Variants in ARID5B observed in about 807,000 individuals in gnomAD.
ARID5B encodes the protein AT-rich interaction domain 5B, also known as AT-rich interactive domain-containing protein 5B.
ARID5B carries 13 observed loss-of-function variants against 97.2 expected under a neutral mutation model. That is an observed-to-expected ratio of 0.13 (90% CI 0.09 to 0.21). The LOEUF (loss-of-function observed/expected upper bound fraction) is 0.21. Ranked by LOEUF, ARID5B falls within the 10% of genes least tolerant of loss-of-function variation. ARID5B has a pLI of 1.00. For missense variants in ARID5B, 1,210 were observed against 1,465.3 expected, an observed-to-expected ratio of 0.83 and a Z score of 2.84; for synonymous variants, 556 against 570.3, an observed-to-expected ratio of 0.97 and a Z score of 0.36.
At chr10:62,021,849 G>A (rs543563163) in intron 4 of ARID5B, among the ~76,000 whole-genome samples, 2 of 152,342 alleles carry the variant, frequency 1.3e-5, no homozygotes, top group East Asian at 3.9e-4. Context: ...TTATAGCCGG[G>A]TCTTTAAGAA....
chr10:61,919,419 T>C (rs1253614367), intron 2 of ARID5B, among the ~76,000 whole-genome samples: 4 of 152,020 alleles, frequency 2.6e-5, no homozygotes, highest in African/African-American at 9.7e-5. Context: ...CCAATCCAAC[T>C]CTGAAAGATG....
chr10:62,000,373 T>C lies in ARID5B; in HGVS notation c.733+52T>C. 6.7e-7 allele frequency: 1 copy of C among 1,484,326 alleles called. No individual in the cohort carries two copies. Among genetic ancestry groups the C allele is most frequent in the Non-Finnish European group, 9.1e-7 (1 of 1,094,162 alleles). 91.9% of individuals were successfully genotyped at this position (1,484,326 alleles called of 1,614,324 possible). ...TGATTCTTGTGCGTGTGTGCCTAGT[T>C]GTTTTCAGTTCTTCTGAAGAGCGGT... On this transcript the variant is annotated intron_variant, in intron 4 of 9. Coordinates refer to ENST00000279873, the MANE Select transcript of ARID5B (RefSeq NM_032199.3). The surrounding 1 kb of genome is among the most constrained non-coding windows in gnomAD (Gnocchi z 4.4).
chr10:62,082,409 A>C (rs1268145266), intron 8 of ARID5B, among the ~76,000 whole-genome samples: 1 of 152,118 alleles, frequency 6.6e-6, no homozygotes, highest in Non-Finnish European at 1.5e-5. Context: ...ACTTCCACCC[A>C]CCTAAAAGCC....
chr10:61,984,378 G>A (rs1311092922), intron 3 of ARID5B, among the ~76,000 whole-genome samples: 1 of 152,234 alleles, frequency 6.6e-6, no homozygotes, highest in African/African-American at 2.4e-5. Context: ...ACTGCATGAG[G>A]AAAGCATAGA....
rs534985793 is a variant in ARID5B at position 61,905,413 on chromosome 10, G to A, written c.276+3000G>A. The stretch of plus-strand genomic sequence containing the variant: ...ATCATTGTGCAAGATTAGAAATAGC[G>A]TCCCTGTGTGGTTTGCTGTGATTTG... On this transcript the variant is annotated intron_variant, in intron 2 of 9. Transcript: ENST00000279873. Among the ~76,000 whole-genome samples the A allele has an allele frequency of 7.3e-5, 11 of 150,036 alleles. No homozygotes were observed. In the East Asian group the frequency reaches 1.2e-3, roughly 16 times the overall value.
In ARID5B at chr10:61,961,374, C is replaced by T. The variant is rs1047748675; in HGVS notation, c.502+20966C>T. ...AGTGTATACCACAGTTAAGTCATTT[C>T]CTTTGAGGCTTTTCTCTTGGGCAAC... On this transcript the variant is annotated intron_variant, in intron 3 of 9. Coordinates refer to ENST00000279873, the MANE Select transcript of ARID5B (RefSeq NM_032199.3). Among the ~76,000 whole-genome samples, 69 of 152,268 alleles carry T rather than the reference C, an allele frequency of 4.5e-4. No individual in the cohort carries two copies. The Middle Eastern group carries it at 0.017, about 38-fold the overall frequency.
At chr10:62,015,761 C>G (rs1342648455) in intron 4 of ARID5B, among the ~76,000 whole-genome samples, 1 of 152,064 alleles carries the variant, frequency 6.6e-6, no homozygotes, top group Non-Finnish European at 1.5e-5. Flanking sequence ...GTAGCTGGGA[C>G]TACAGGTGCC....
At chr10:61,909,079 C>G (rs1045929940) in intron 2 of ARID5B, among the ~76,000 whole-genome samples, 1 of 152,168 alleles carries the variant, frequency 6.6e-6, no homozygotes, top group African/African-American at 2.4e-5. Flanking sequence ...ATTCTAGGCC[C>G]TGGGGATGCA....
rs1400727127 is a variant in ARID5B at position 61,960,171 on chromosome 10, AT to A, written c.502+19767del. 1.2e-4 allele frequency among the ~76,000 whole-genome samples: 18 copies of A among 152,114 alleles called. No individual in the cohort carries two copies. The East Asian group carries it at 3.5e-3, about 29-fold the overall frequency. Reference sequence around the variant, plus strand: ...CTTATTTCATATATTTTTCTTTTATATTTTCAAATTATAAATTTTGACAACA... The same window carrying A: ...CTTATTTCATATATTTTTCTTTTATATTTCAAATTATAAATTTTGACAACA... On this transcript the variant is annotated intron_variant, in intron 3 of 9. Coordinates refer to ENST00000279873, the MANE Select transcript of ARID5B (RefSeq NM_032199.3).
intron 2 of ARID5B, among the ~76,000 whole-genome samples, chr10:61,913,812 C>T (rs1378660273): frequency 2.6e-5 from 4 of 152,172 alleles, no homozygotes; most frequent in Admixed American, 2.0e-4. Flanking sequence ...AGTACAATGG[C>T]GCAATCTCAG....
chr10:61,906,176 G>A (rs1231459489), intron 2 of ARID5B, among the ~76,000 whole-genome samples: 1 of 152,038 alleles, frequency 6.6e-6, no homozygotes. Context: ...AAATAATTAT[G>A]ATTATAGTGA....
chr10:61,954,960 C>T (rs1363760075), intron 3 of ARID5B, among the ~76,000 whole-genome samples: 8 of 151,094 alleles, frequency 5.3e-5, no homozygotes, highest in Admixed American at 1.3e-4. Context: ...GAGCCAAGAT[C>T]GCGCCATTGC....
intron 3 of ARID5B, among the ~76,000 whole-genome samples, chr10:61,944,391 G>A (rs1384754360): frequency 6.6e-6 from 1 of 152,054 alleles, no homozygotes; most frequent in African/African-American, 2.4e-5. Context: ...TATTTGGTAT[G>A]GCAGTTGAAA....
chr10:62,036,203 C>T (rs1839562058), intron 4 of ARID5B, among the ~76,000 whole-genome samples: 1 of 152,098 alleles, frequency 6.6e-6, no homozygotes, highest in Non-Finnish European at 1.5e-5. Context: ...AGAGGAAGCC[C>T]AGGAACAAAG....
rs202030299 is a variant in ARID5B, at chr10:61,902,216, T to C, written c.79T>C (p.Phe27Leu). 1 of 1,613,822 alleles carries C rather than the reference T, an allele frequency of 6.2e-7. No homozygotes were observed. The highest frequency in any genetic ancestry group is 1.3e-5 in the African/African-American group (1 of 74,906). Reference protein sequence around the residue: ...GPYIFYKAFQFHLEGKPRILS... With the variant: ...GPYIFYKAFQLHLEGKPRILS... ...TTACATTTTCTACAAGGCTTTTCAA[T>C]TCCACCTTGAAGGCAAACCAAGAAT... The change falls in exon 2 of 10, where the codon TTC becomes CTC. Residue 27 changes from phenylalanine (F) to leucine (L), a missense_variant. Physicochemically the swap from Phe to Leu is conservative, Grantham distance 22. Transcript: ENST00000279873.
intron 5 of ARID5B, among the ~76,000 whole-genome samples, chr10:62,055,447 C>T (rs573722778): frequency 1.2e-4 from 18 of 152,134 alleles, no homozygotes; most frequent in African/African-American, 4.3e-4. Context: ...CCTGGCTGCC[C>T]AGGAAACACT....
At chr10:61,988,112 G>T (rs1377267696) in intron 3 of ARID5B, among the ~76,000 whole-genome samples, 1 of 152,034 alleles carries the variant, frequency 6.6e-6, no homozygotes, top group Admixed American at 6.6e-5. Flanking sequence ...AGCTTTCAAT[G>T]ATGTTCTTCC....
chr10:61,914,897 T>G (rs1308808201), intron 2 of ARID5B, among the ~76,000 whole-genome samples: 2 of 152,224 alleles, frequency 1.3e-5, no homozygotes, highest in Non-Finnish European at 2.9e-5. Flanking sequence ...GAGTCGGGAT[T>G]GAAACCCATG....
chr10:61,927,546 A>G (rs999654164), intron 2 of ARID5B, among the ~76,000 whole-genome samples: 2 of 152,216 alleles, frequency 1.3e-5, no homozygotes, highest in Non-Finnish European at 2.9e-5. Context: ...GCTCTTTGGG[A>G]AGTACAAGAG....
Sources: gnomAD v4.1 joint callset for allele counts (sites outside exome capture counted in the v4.1 genomes callset) on GRCh38, gnomAD v4.1.1 for gene constraint, Gnocchi (gnomAD v3.1) non-coding constraint, MANE v1.5 for transcripts, NCBI Gene and HGNC (gene_info 2026-07-23, HGNC 2026-07-21) for gene names.